The following C10orf67 variants were observed in gnomAD, a reference collection of about 807,000 sequenced individuals.
C10orf67 encodes the protein uncharacterized protein C10orf67, mitochondrial.
A neutral mutation model predicts 35.6 loss-of-function variants in C10orf67; 60 were observed. That is an observed-to-expected ratio of 1.68 (90% CI 1.37 to 2.09). The LOEUF (loss-of-function observed/expected upper bound fraction) is 2.09, where lower values mean the gene tolerates loss of function less well. Among genes scored for constraint, C10orf67 ranks in the 30% most tolerant of loss-of-function variants. The pLI, the probability that C10orf67 is intolerant of heterozygous loss-of-function variation, is 0.00. For missense variants in C10orf67, 474 were observed against 330.2 expected (o/e 1.44, Z -3.38); for synonymous variants, 167 against 115.8 (o/e 1.44, Z -2.84).
chr10:23,311,265 C>T (rs1844482345), intron 4 of C10orf67, among the ~76,000 whole-genome samples: 1 of 152,190 alleles, frequency 6.6e-6, no homozygotes. Context: ...GTTTAAATCC[C>T]AGCCTAATCA....
chr10:23,306,606 A>G (rs976287231), intron 4 of C10orf67, among the ~76,000 whole-genome samples: 2 of 151,934 alleles, frequency 1.3e-5, no homozygotes, highest in African/African-American at 4.8e-5. Flanking sequence ...TGTTGGTCGA[A>G]GGGTATAAAC....
At chr10:23,250,431 G>T in intron 12 of C10orf67, 24 bp downstream of exon 12, 3 of 398,344 alleles carry the variant, frequency 7.5e-6, no homozygotes, top group Non-Finnish European at 1.3e-5. Flanking sequence ...TTTAGAAATA[G>T]AATTTGTATA....
chr10:23,206,739 T>C (rs914282880), intron 15 of C10orf67, among the ~76,000 whole-genome samples: 8 of 152,226 alleles, frequency 5.3e-5, no homozygotes, highest in African/African-American at 9.6e-5. Context: ...ATTATGCTTG[T>C]ATGGGCACAG....
intron 15 of C10orf67, among the ~76,000 whole-genome samples, chr10:23,222,941 G>A (rs768790729): frequency 1.3e-5 from 2 of 152,078 alleles, no homozygotes; most frequent in African/African-American, 2.4e-5. Context: ...GAGCCACCAG[G>A]CCCAGTCTAC....
chr10:23,292,385 G>T (rs1843748516), intron 5 of C10orf67, among the ~76,000 whole-genome samples: 1 of 151,938 alleles, frequency 6.6e-6, no homozygotes, highest in Admixed American at 6.6e-5. Context: ...AAAGGAGATA[G>T]AAGATTCTAC....
chr10:23,251,605 A>T (rs2132160345), intron 10 of C10orf67, among the ~76,000 whole-genome samples: 1 of 152,356 alleles, frequency 6.6e-6, no homozygotes, highest in African/African-American at 2.4e-5. Flanking sequence ...AGAGGCAATC[A>T]GGTCTTCTGT....
chr10:23,298,358 G>C (rs894448511), intron 5 of C10orf67, among the ~76,000 whole-genome samples: 4 of 152,172 alleles, frequency 2.6e-5, no homozygotes, highest in African/African-American at 9.7e-5. Context: ...TCATCCCTCA[G>C]ACCTGTGTGA....
intron 5 of C10orf67, among the ~76,000 whole-genome samples, chr10:23,298,666 G>A (rs1176111940): frequency 6.6e-6 from 1 of 152,190 alleles, no homozygotes; most frequent in Admixed American, 6.5e-5. Context: ...ATATAGCCTG[G>A]ATACATTCCT....
chr10:23,310,047 G>C (rs1464927268), intron 4 of C10orf67, among the ~76,000 whole-genome samples: 1 of 152,192 alleles, frequency 6.6e-6, no homozygotes, highest in Middle Eastern at 3.4e-3. Flanking sequence ...AGTGTTTATG[G>C]AATGAGCTGG....
chr10:23,324,147 T>A (rs1291301780), intron 2 of C10orf67, among the ~76,000 whole-genome samples: 3 of 151,058 alleles, frequency 2.0e-5, no homozygotes, highest in Non-Finnish European at 4.4e-5. Context: ...GATGTTCCTA[T>A]CTGGTGGGGT....
At chr10:23,243,136 T>C (rs1304166763) in intron 12 of C10orf67, among the ~76,000 whole-genome samples, 1 of 152,212 alleles carries the variant, frequency 6.6e-6, no homozygotes, top group Non-Finnish European at 1.5e-5. Flanking sequence ...ATATTACTGA[T>C]AACTTCACAA....
At chr10:23,329,809 A>AAAAAAG (rs1845368755) in intron 2 of C10orf67, among the ~76,000 whole-genome samples, 3 of 149,882 alleles carry the variant, frequency 2.0e-5, no homozygotes, top group Admixed American at 6.6e-5. Context: ...AAAAAAAAAA[A>AAAAAAG]AAAAAAAGAA....
rs77916935 is a variant in C10orf67 at position 23,323,172 on chromosome 10, T to C, written c.328-635A>G. 3.0e-3 allele frequency among the ~76,000 whole-genome samples: 453 copies of C among 152,328 alleles called. 3 individuals carry two copies. The highest frequency in any genetic ancestry group is 0.011 in the African/African-American group (438 of 41,580). ...TGGCCTTGTCATACCTCAAAAGGTA[T>C]AGTTCTCAAGATGTGGATTTCAGAT... On this transcript the variant is annotated intron_variant, in intron 2 of 15. Coordinates refer to ENST00000636213, the MANE Select transcript of C10orf67 (RefSeq NM_001371909.1).
At chr10:23,344,199 G>C (rs1489114874) in intron 1 of C10orf67, 1 of 194,980 alleles carries the variant, frequency 5.1e-6, no homozygotes, top group Admixed American at 6.0e-5. Flanking sequence ...TGGGGAGGAG[G>C]GGGATAGGGA....
chr10:23,263,412 T>C (rs897339698), intron 10 of C10orf67, among the ~76,000 whole-genome samples: 12 of 152,174 alleles, frequency 7.9e-5, no homozygotes, highest in African/African-American at 2.9e-4. Flanking sequence ...TTTAAATCAC[T>C]AGCTTGCAAG....
chr10:23,344,027 G>T, intron 1 of C10orf67: 1 of 388,432 alleles, frequency 2.6e-6, no homozygotes, highest in Non-Finnish European at 5.5e-6. Flanking sequence ...CGCCTCCCGC[G>T]GAGCCGCTCG....
intron 15 of C10orf67, among the ~76,000 whole-genome samples, chr10:23,222,288 T>TAG (rs1841605309): frequency 6.6e-6 from 1 of 152,186 alleles, no homozygotes; most frequent in Non-Finnish European, 1.5e-5. Context: ...AATGGTTTTC[T>TAG]TGGCTAGGGA....
At chr10:23,266,704 G>A (rs889610256) in intron 9 of C10orf67, among the ~76,000 whole-genome samples, 1 of 152,044 alleles carries the variant, frequency 6.6e-6, no homozygotes, top group Non-Finnish European at 1.5e-5. Flanking sequence ...GAATGGTGGG[G>A]TCTATGTGGA....
Position 23,278,604 on chromosome 10 carries a change from CTG to C in C10orf67, c.975+3407_975+3408del, listed in dbSNP as rs1408674752. Among the ~76,000 whole-genome samples the C allele has an allele frequency of 2.0e-5, 3 of 152,128 alleles. No individual in the cohort carries two copies. In the East Asian group the frequency reaches 5.8e-4, roughly 29 times the overall value. ...TGTGATGAGAGCCACAAGAGGAGAA[CTG>C]TGTGCCACGCCAGCATGAGGGTGGG... On this transcript the variant is annotated intron_variant, in intron 8 of 15. Coordinates refer to ENST00000636213, the MANE Select transcript of C10orf67 (RefSeq NM_001371909.1).
Sources: allele counts gnomAD v4.1 joint callset (sites outside exome capture counted in the v4.1 genomes callset), GRCh38; gene constraint gnomAD v4.1.1; transcripts MANE v1.5; gene names NCBI Gene and HGNC (gene_info 2026-07-23, HGNC 2026-07-21).